Variants in BMPR1B observed in about 807,000 individuals in gnomAD.
BMPR1B encodes the protein bone morphogenetic protein receptor type 1B, also known as bone morphogenetic protein receptor type-1B.
BMPR1B carries 12 observed loss-of-function variants against 59.1 expected under a neutral mutation model. That is an observed-to-expected ratio of 0.20 (90% CI 0.13 to 0.33). The LOEUF is 0.33. Ranked by LOEUF, BMPR1B falls within the 10% of genes least tolerant of loss-of-function variation. The pLI, the probability that BMPR1B is intolerant of heterozygous loss-of-function variation, is 1.00. For synonymous variants in BMPR1B, 237 were observed against 207.3 expected, an observed-to-expected ratio of 1.14 and a Z score of -1.23; for missense variants, 550 against 610.9, an observed-to-expected ratio of 0.90 and a Z score of 1.05.
At chr4:94,831,068 A>G (rs1257639091) in intron 1 of BMPR1B, among the ~76,000 whole-genome samples, 5 of 152,160 alleles carry the variant, frequency 3.3e-5, no homozygotes. Flanking sequence ...AGAAGAAGAC[A>G]TTGTTACCAT....
At chr4:95,073,030 T>C (rs1468560908) in intron 3 of BMPR1B, among the ~76,000 whole-genome samples, 3 of 152,204 alleles carry the variant, frequency 2.0e-5, no homozygotes, top group Non-Finnish European at 1.5e-5. Context: ...CAGTTGAGTC[T>C]TTTATGAAGG....
intron 2 of BMPR1B, among the ~76,000 whole-genome samples, chr4:94,985,159 C>A (rs1721319213): frequency 6.6e-6 from 1 of 151,892 alleles, no homozygotes; most frequent in Admixed American, 6.6e-5. Flanking sequence ...GGCCTTTATT[C>A]TATGCTGAGA....
intron 1 of BMPR1B, among the ~76,000 whole-genome samples, chr4:94,768,160 T>C (rs1722037710): frequency 6.6e-6 from 1 of 152,136 alleles, no homozygotes; most frequent in African/African-American, 2.4e-5. Flanking sequence ...TTGCAGTCTC[T>C]TGATTTACAG....
chr4:94,820,994 TC>T (rs1327456332), intron 1 of BMPR1B, among the ~76,000 whole-genome samples: 1 of 152,206 alleles, frequency 6.6e-6, no homozygotes, highest in Non-Finnish European at 1.5e-5. Context: ...CCATTGCTGT[TC>T]CTTAGATTTT....
At chr4:94,802,024 A>G (rs1411758022) in intron 1 of BMPR1B, among the ~76,000 whole-genome samples, 1 of 152,228 alleles carries the variant, frequency 6.6e-6, no homozygotes, top group South Asian at 2.1e-4. Context: ...AGTTGAATGT[A>G]TATTAAGGTG....
At chr4:95,153,727 G>T (rs574276786) in intron 12 of BMPR1B, among the ~76,000 whole-genome samples, 9 of 152,232 alleles carry the variant, frequency 5.9e-5, no homozygotes, top group Non-Finnish European at 8.8e-5. Flanking sequence ...GTGCACACCT[G>T]TATTCCCACC....
At chr4:94,968,388 G>C (rs957678174) in intron 2 of BMPR1B, among the ~76,000 whole-genome samples, 13 of 151,966 alleles carry the variant, frequency 8.6e-5, no homozygotes, top group African/African-American at 2.9e-4. Context: ...GCAAGCTTAA[G>C]AAAGCTATTT....
chr4:94,789,820 A>G (rs980489525), intron 1 of BMPR1B, among the ~76,000 whole-genome samples: 14 of 152,030 alleles, frequency 9.2e-5, no homozygotes, highest in Admixed American at 9.2e-4. Context: ...TATACATTTG[A>G]CCCTGGAACA....
chr4:95,098,326 G>A (rs13103264), intron 3 of BMPR1B, among the ~76,000 whole-genome samples: 32,953 of 151,878 alleles, frequency 0.22, 4,092 homozygotes, highest in East Asian at 0.43. Context: ...CCTTTTTAAT[G>A]TCATAGCTGA....
intron 2 of BMPR1B, among the ~76,000 whole-genome samples, chr4:94,929,049 G>A (rs1253983229): frequency 1.3e-5 from 2 of 152,156 alleles, no homozygotes; most frequent in East Asian, 1.9e-4. Context: ...AACCACCAAA[G>A]GCAATGCCTC....
chr4:94,791,244 C>G (rs1192802878), intron 1 of BMPR1B, among the ~76,000 whole-genome samples: 1 of 152,130 alleles, frequency 6.6e-6, no homozygotes, highest in Non-Finnish European at 1.5e-5. Flanking sequence ...CTGCCTTGGC[C>G]TCCCAAAGTG....
intron 3 of BMPR1B, among the ~76,000 whole-genome samples, chr4:95,021,810 C>T (rs1039103780): frequency 6.6e-6 from 1 of 152,086 alleles, no homozygotes. Flanking sequence ...TGGAGATTGG[C>T]GGAAATAGTT....
chr4:95,051,166 T>C (rs1726472462), intron 3 of BMPR1B, among the ~76,000 whole-genome samples: 1 of 152,258 alleles, frequency 6.6e-6, no homozygotes, highest in African/African-American at 2.4e-5. Context: ...AGTAAACTAC[T>C]GTAACACAAT....
In BMPR1B at chr4:95,046,689, T is replaced by C. The variant is rs577000684; in HGVS notation, c.-18+50555T>C. On this transcript the variant is annotated intron_variant, in intron 3 of 12. Transcript: ENST00000515059. ...AGTAGTACTCTCCATAGTGCTCCTT[T>C]TTCCTTCCTCTGCCCTTCTGTCAGG... Among the ~76,000 whole-genome samples the C allele has an allele frequency of 2.2e-4, 34 of 152,300 alleles. No homozygotes were observed. In the East Asian group the frequency reaches 6.2e-3, roughly 28 times the overall value.
At chr4:95,085,233 ATGGCTGTACATC>A (rs1483160078) in intron 3 of BMPR1B, among the ~76,000 whole-genome samples, 1 of 152,164 alleles carries the variant, frequency 6.6e-6, no homozygotes, top group African/African-American at 2.4e-5. Flanking sequence ...GACTGTGGCC[ATGGCTGTACATC>A]TGGGTGTGTG....
chr4:94,857,198 G>A (rs1005479714), intron 1 of BMPR1B, among the ~76,000 whole-genome samples: 1 of 152,078 alleles, frequency 6.6e-6, no homozygotes, highest in Non-Finnish European at 1.5e-5. Flanking sequence ...TGAAAAAAAG[G>A]CCTTACTCTT....
At chr4:94,809,284 C>T (rs72885877) in intron 1 of BMPR1B, among the ~76,000 whole-genome samples, 7,395 of 152,158 alleles carry the variant, frequency 0.049, 457 homozygotes, top group East Asian at 0.16. Flanking sequence ...CAGTTTCTTG[C>T]TTCATCCCCT....
chr4:94,815,243 A>G (rs1053102370), intron 1 of BMPR1B, among the ~76,000 whole-genome samples: 2 of 152,068 alleles, frequency 1.3e-5, no homozygotes, highest in African/African-American at 4.8e-5. Flanking sequence ...TCACTTGCAC[A>G]TTGTGTGTCT....
chr4:94,779,407 T>G (rs1358089331), intron 1 of BMPR1B, among the ~76,000 whole-genome samples: 1 of 152,208 alleles, frequency 6.6e-6, no homozygotes, highest in Non-Finnish European at 1.5e-5. Flanking sequence ...TACATTGCCT[T>G]AACTAGAATA....
Sources: allele counts gnomAD v4.1 joint callset (sites outside exome capture counted in the v4.1 genomes callset), GRCh38; gene constraint gnomAD v4.1.1; transcripts MANE v1.5; gene names NCBI Gene and HGNC (gene_info 2026-07-23, HGNC 2026-07-21).